Variants in TEX15 observed in about 807,000 individuals in gnomAD.
TEX15 encodes testis-expressed protein 15.
In TEX15, 171 loss-of-function variants were observed where a neutral mutation model predicts 237.3. The observed-to-expected ratio is 0.72, with a 90% CI of 0.64 to 0.82. The LOEUF (loss-of-function observed/expected upper bound fraction) is 0.82, where lower values mean the gene tolerates loss of function less well. Ranked by LOEUF, TEX15 falls within the 40% of genes least tolerant of loss-of-function variation. TEX15 has a pLI of 0.00. For missense variants in TEX15, 3,750 were observed against 3,646.5 expected, an observed-to-expected ratio of 1.03 and a Z score of -0.73; for synonymous variants, 1,338 against 1,269.8, an observed-to-expected ratio of 1.05 and a Z score of -1.14.
Position 30,849,080 on chromosome 8 carries a change from G to C in TEX15, c.1087C>G (p.His363Asp), listed in dbSNP as rs1807705805. 2 of 1,613,316 alleles carry C rather than the reference G, an allele frequency of 1.2e-6. No individual in the cohort carries two copies. The highest frequency in any genetic ancestry group is 1.3e-5 in the African/African-American group (1 of 74,918). Residue 363 changes from histidine (H) to aspartate (D), a missense_variant, in exon 8 of 11, where the codon CAC becomes GAC. His to Asp is a moderately conservative substitution (Grantham distance 81). Coordinates refer to ENST00000643185, the MANE Select transcript of TEX15 (RefSeq NM_001350162.2). ...IPETYSGQTEHSLAEIRDTSQ... is the reference protein window; with the variant it reads ...IPETYSGQTEDSLAEIRDTSQ... ...GTGTCTCTAATTTCTGCTAAACTGT[G>C]CTCTGTCTGTCCACTGTATGTTTCA...
chr8:30,835,845 A>C (rs1807280286), intron 10 of TEX15, among the ~76,000 whole-genome samples: 1 of 152,216 alleles, frequency 6.6e-6, no homozygotes, highest in African/African-American at 2.4e-5. Flanking sequence ...AAGTTCTTCT[A>C]CCAATACATT....
At chr8:30,880,385 G>A (rs1482076646) in intron 3 of TEX15, among the ~76,000 whole-genome samples, 1 of 152,096 alleles carries the variant, frequency 6.6e-6, no homozygotes, top group Non-Finnish European at 1.5e-5. Context: ...TGTGTTCTTT[G>A]CTAGTATTTA....
rs770425112 is a variant in TEX15 at position 30,845,441 on chromosome 8, T to C, written c.4726A>G (p.Thr1576Ala). 3 of 1,612,764 alleles carry C rather than the reference T, an allele frequency of 1.9e-6. No homozygotes were observed. The highest frequency in any genetic ancestry group is 2.5e-6 in the Non-Finnish European group (3 of 1,179,304). Reference protein sequence around the residue: ...KLIEKENQIDTAFLSSTSKYE... With the variant: ...KLIEKENQIDAAFLSSTSKYE... ...TTACTAGTGCTAGATAAAAATGCTG[T>C]ATCAATTTGATTTTCTTTTTCTATT... Residue 1576 changes from threonine (T) to alanine (A), a missense_variant, in exon 8 of 11, where the codon ACA (threonine) becomes GCA (alanine). Transcript: ENST00000643185.
chr8:30,850,349 A>G (rs1807750138), intron 7 of TEX15, among the ~76,000 whole-genome samples: 2 of 152,236 alleles, frequency 1.3e-5, no homozygotes, highest in South Asian at 2.1e-4. Flanking sequence ...CAAGTAAATA[A>G]TAATTTCTCA....
At chr8:30,903,620 C>T (rs1364031426) in intron 1 of TEX15, among the ~76,000 whole-genome samples, 1 of 152,222 alleles carries the variant, frequency 6.6e-6, no homozygotes, top group Non-Finnish European at 1.5e-5. Flanking sequence ...GGATAACTTG[C>T]ATCTTATTCC....
In TEX15 at chr8:30,889,952, T is replaced by TAC. The variant is rs1554502340; in HGVS notation, c.-9-2643_-9-2642dup. 2.5e-3 allele frequency among the ~76,000 whole-genome samples: 332 copies of TAC among 131,948 alleles called. 13 individuals carry two copies. The highest frequency in any genetic ancestry group is 7.8e-3 in the African/African-American group (229 of 29,210). 86.6% of individuals were successfully genotyped at this position (131,948 alleles called of 152,430 possible). On this transcript the variant is annotated intron_variant, in intron 2 of 10. Transcript: ENST00000643185. The stretch of plus-strand genomic sequence containing the variant: ...TTATATACATATATATATATATATA[T>TAC]ACATATATATATATATGTATAAGTA...
intron 5 of TEX15, among the ~76,000 whole-genome samples, chr8:30,865,770 A>T (rs1476687900): frequency 6.6e-6 from 1 of 152,214 alleles, no homozygotes; most frequent in East Asian, 1.9e-4. Context: ...AGTCTCAACA[A>T]ATTGGGTACA....
intron 3 of TEX15, among the ~76,000 whole-genome samples, chr8:30,882,448 G>A (rs907873074): frequency 6.6e-6 from 1 of 152,178 alleles, no homozygotes. Context: ...CACCATGCCC[G>A]GCTATTTTTT....
chr8:30,837,361 C>T lies in TEX15; in HGVS notation c.8923G>A (p.Val2975Met), dbSNP rs1807328427. The T allele has an allele frequency of 6.2e-7, 1 of 1,613,936 alleles. No homozygotes were observed. The highest frequency in any genetic ancestry group is 1.7e-5 in the Admixed American group (1 of 59,992). ...YMKDTLNPNT[V>M]HTFGASGHIT... ...TGCCCAGATGCTCCAAAAGTATGCA[C>T]AGTATTGGGATTCAATGTATCCTTC... The change falls in exon 10 of 11, where the codon GTG (valine) becomes ATG (methionine). Residue 2975 changes from valine to methionine, a missense_variant. Physicochemically the swap from Val to Met is conservative, Grantham distance 21. Transcript: ENST00000643185.
intron 3 of TEX15, among the ~76,000 whole-genome samples, chr8:30,883,244 T>C (rs533418462): frequency 6.6e-6 from 1 of 152,254 alleles, no homozygotes; most frequent in Non-Finnish European, 1.5e-5. Flanking sequence ...CCAAATAATG[T>C]TGAATTTAGA....
At position 30,848,306 on chromosome 8, in the gene TEX15, T is replaced by C. The variant is rs771500742; in HGVS notation, c.1861A>G (p.Met621Val). The C allele has an allele frequency of 6.2e-7, 1 of 1,613,266 alleles. No individual in the cohort carries two copies. Among genetic ancestry groups the C allele is most frequent in the Non-Finnish European group, 8.5e-7 (1 of 1,179,826 alleles). Residue 621 changes from methionine (M) to valine (V), a missense_variant, in exon 8 of 11, where the codon ATG (methionine) becomes GTG (valine). By Grantham distance (21) the Met-to-Val change is conservative (BLOSUM62 1). Transcript: ENST00000643185. ...IDEYLQNTGK[M>V]KNFADLEDSS... ...TCTTCCAGGTCAGCGAAGTTTTTCA[T>C]CTTTCCAGTATTTTGAAGGTATTCA...
chr8:30,904,658 C>G (rs987414828), intron 1 of TEX15, among the ~76,000 whole-genome samples: 3 of 152,122 alleles, frequency 2.0e-5, no homozygotes, highest in Non-Finnish European at 4.4e-5. Flanking sequence ...CACAAGTATT[C>G]CTCAGCTTCT....
intron 3 of TEX15, among the ~76,000 whole-genome samples, chr8:30,876,907 T>G (rs924907194): frequency 2.0e-5 from 3 of 151,338 alleles, no homozygotes; most frequent in Non-Finnish European, 4.4e-5. Context: ...AGATAGTGAG[T>G]TTTTACAAGA....
Position 30,837,640 on chromosome 8 carries a change from C to T in TEX15, c.8644G>A (p.Glu2882Lys). The change falls in exon 10 of 11, where the codon GAA becomes AAA. Residue 2882 changes from glutamate to lysine, a missense_variant. By Grantham distance (56) the Glu-to-Lys change is moderately conservative. Coordinates refer to ENST00000643185, the MANE Select transcript of TEX15 (RefSeq NM_001350162.2). The part of the protein sequence containing the change: ...QKSCLSDINP[E>K]TDVSLVPDAS... ...TCAGGCACAAGAGAAACATCAGTTT[C>T]TGGGTTTATATCAGAAAGGCAGGAT... 1.2e-6 allele frequency: 2 copies of T among 1,614,090 alleles called. No homozygotes were observed. The highest frequency in any genetic ancestry group is 1.7e-6 in the Non-Finnish European group (2 of 1,180,014).
chr8:30,881,247 T>C (rs373643183), intron 3 of TEX15, among the ~76,000 whole-genome samples: 3 of 152,292 alleles, frequency 2.0e-5, no homozygotes, highest in African/African-American at 7.2e-5. Context: ...CATGGTAATA[T>C]TAATCTCATA....
chr8:30,839,935 G>C lies in TEX15; in HGVS notation c.8193C>G (p.Asn2731Lys), dbSNP rs1807412031. 6.2e-7 allele frequency: 1 copy of C among 1,600,354 alleles called. No individual in the cohort carries two copies. Among genetic ancestry groups the C allele is most frequent in the African/African-American group, 1.3e-5 (1 of 74,546 alleles). ...GATGCTTGAATGTTGCCTTTTCTCT[G>C]TTGATTTTTGTGACATCTTTCATGT... The part of the protein sequence containing the change: ...KVDMKDVTKI[N>K]REKATFKHPR... The change falls in exon 9 of 11, where the codon AAC becomes AAG. Residue 2731 changes from asparagine (N) to lysine (K), a missense_variant. Transcript: ENST00000643185.
chr8:30,872,054 A>G (rs1287909191), intron 4 of TEX15, among the ~76,000 whole-genome samples: 2 of 152,104 alleles, frequency 1.3e-5, no homozygotes, highest in African/African-American at 4.8e-5. Context: ...ATAGCAGGAG[A>G]TCTTGTTCAG....
chr8:30,843,404 T>A lies in TEX15; in HGVS notation c.6763A>T (p.Asn2255Tyr). 6.2e-7 allele frequency: 1 copy of A among 1,613,108 alleles called. No homozygotes were observed. The highest frequency in any genetic ancestry group is 8.5e-7 in the Non-Finnish European group (1 of 1,179,670). Residue 2255 changes from asparagine (N) to tyrosine (Y), a missense_variant, in exon 8 of 11, where the codon AAC (asparagine) becomes TAC (tyrosine). By Grantham distance (143) the Asn-to-Tyr change is moderately radical (BLOSUM62 -2). Transcript: ENST00000643185. ...ISSKVNFIKN[N>Y]EAVRVKISLY... ...GATATTTTAACACGTACTGCCTCGTTGTTCTTAATAAAATTAACCTTTGAG... is the reference window on the plus strand; with the variant it reads ...GATATTTTAACACGTACTGCCTCGTAGTTCTTAATAAAATTAACCTTTGAG...
In TEX15 at chr8:30,847,986, G is replaced by C. The variant is rs773269133; in HGVS notation, c.2181C>G (p.His727Gln). The C allele has an allele frequency of 4.3e-6, 7 of 1,613,862 alleles. No homozygotes were observed. The part of the protein sequence containing the change: ...FESLSQKHPQ[H>Q]SVEYEGNIHT... ...GAATGTTACCCTCATACTCCACAGA[G>C]TGCTGAGGATGCTTTTGTGACAGGC... The change falls in exon 8 of 11, where the codon CAC becomes CAG. Residue 727 changes from histidine (H) to glutamine (Q), a missense_variant. Coordinates refer to ENST00000643185, the MANE Select transcript of TEX15 (RefSeq NM_001350162.2).
Sources: gnomAD v4.1 joint callset for allele counts (sites outside exome capture counted in the v4.1 genomes callset) on GRCh38, gnomAD v4.1.1 for gene constraint, MANE v1.5 for transcripts, NCBI Gene and HGNC (gene_info 2026-07-23, HGNC 2026-07-21) for gene names.